The following C17orf67 variants were observed in gnomAD, a reference collection of about 807,000 sequenced individuals.
C17orf67 encodes chromosome 17 open reading frame 67.
Under a neutral mutation model 11.2 loss-of-function variants are expected in C17orf67, and 12 were observed. That is an observed-to-expected ratio of 1.07 (90% CI 0.68 to 1.73). The LOEUF is 1.73. C17orf67 is among the 40% of genes most tolerant of loss of function. The pLI is 0.00. For missense variants in C17orf67, 115 were observed against 113.5 expected, an observed-to-expected ratio of 1.01 and a Z score of -0.06; for synonymous variants, 59 against 46.9, an observed-to-expected ratio of 1.26 and a Z score of -1.05.
chr17:56,805,694 A>C (rs1224639989), intron 6 of C17orf67, among the ~76,000 whole-genome samples: 2 of 152,220 alleles, frequency 1.3e-5, no homozygotes, highest in Admixed American at 1.3e-4. Context: ...CATAGAAAAT[A>C]ACTTAAAATA....
chr17:56,802,357 T>G (rs1255947530), intron 6 of C17orf67, among the ~76,000 whole-genome samples: 1 of 152,134 alleles, frequency 6.6e-6, no homozygotes, highest in Non-Finnish European at 1.5e-5. Context: ...AAGAAATCAT[T>G]TCAGCTTGAA....
intron 2 of C17orf67, among the ~76,000 whole-genome samples, chr17:56,832,307 G>A (rs548698669): frequency 6.6e-6 from 1 of 152,114 alleles, no homozygotes; most frequent in Admixed American, 6.5e-5. Flanking sequence ...ACCCCCTAAA[G>A]TATCTTCCTG....
intron 2 of C17orf67, among the ~76,000 whole-genome samples, chr17:56,827,945 A>C (rs936201979): frequency 6.6e-6 from 1 of 152,022 alleles, no homozygotes; most frequent in African/African-American, 2.4e-5. Flanking sequence ...AGTGGCTCAC[A>C]CCTGTAATCC....
rs906401980 is a variant in C17orf67 at position 56,833,049 on chromosome 17, T to C, written c.-708A>G. 1.3e-5 allele frequency: 2 copies of C among 152,292 alleles called. No homozygotes were observed. The highest frequency in any genetic ancestry group is 4.1e-4 in the South Asian group (2 of 4,840). The allele number at this position is 152,292 out of a possible 1,614,324, so 9.4% of individuals were successfully genotyped here. On this transcript the variant is annotated 5_prime_UTR_variant, in exon 2 of 8. Transcript: ENST00000397861. ...GTCCCTTGCTTCGGTGTGTGTTTTC[T>C]TTCCATCTTTTATGCTAGAGGAAGT...
intron 2 of C17orf67, among the ~76,000 whole-genome samples, chr17:56,826,715 G>C (rs1036219006): frequency 6.6e-6 from 1 of 152,178 alleles, no homozygotes. Context: ...AGCAGAATAA[G>C]AGAAAGTCTT....
rs142718726 is a variant in C17orf67 at position 56,797,828 on chromosome 17, C to G, written c.157-2648G>C. The stretch of plus-strand genomic sequence containing the variant: ...CCTCCAAATGCGCCTTGGTCTTCCC[C>G]GAAGCCAGTTCAGGCTGTGAATTTT... On this transcript the variant is annotated intron_variant, in intron 6 of 7. Coordinates refer to ENST00000397861, the MANE Select transcript of C17orf67 (RefSeq NM_001085430.4). Among the ~76,000 whole-genome samples the G allele has an allele frequency of 1.4e-3, 217 of 152,246 alleles. 1 individual carries two copies. The highest frequency in any genetic ancestry group is 3.3e-3 in the Admixed American group (51 of 15,304).
chr17:56,800,345 G>A (rs1415084276), intron 6 of C17orf67, among the ~76,000 whole-genome samples: 5 of 152,188 alleles, frequency 3.3e-5, no homozygotes, highest in Admixed American at 6.5e-5. Context: ...GATTACAGGC[G>A]TGAGCCACTG....
intron 4 of C17orf67, among the ~76,000 whole-genome samples, chr17:56,821,846 C>T (rs1056010023): frequency 3.9e-5 from 6 of 152,062 alleles, no homozygotes; most frequent in Non-Finnish European, 7.4e-5. Flanking sequence ...TTGTTTTGGG[C>T]AGTGGGATGG....
At chr17:56,813,636 T>C (rs1905684331) in intron 6 of C17orf67, among the ~76,000 whole-genome samples, 1 of 151,906 alleles carries the variant, frequency 6.6e-6, no homozygotes, top group Non-Finnish European at 1.5e-5. Context: ...TCATACTGCA[T>C]AGCAGCCATT....
At chr17:56,807,787 T>A (rs1456263117) in intron 6 of C17orf67, among the ~76,000 whole-genome samples, 1 of 151,712 alleles carries the variant, frequency 6.6e-6, no homozygotes, top group Admixed American at 6.6e-5. Flanking sequence ...TTGTCTAAAG[T>A]AGAAAGTCAA....
intron 2 of C17orf67, among the ~76,000 whole-genome samples, chr17:56,830,598 C>A (rs1042118473): frequency 6.6e-6 from 1 of 151,926 alleles, no homozygotes; most frequent in Non-Finnish European, 1.5e-5. Flanking sequence ...CATCTCCTCT[C>A]AATTAGCCAC....
intron 7 of C17orf67, among the ~76,000 whole-genome samples, chr17:56,793,389 T>C (rs1171775890): frequency 6.6e-6 from 1 of 152,120 alleles, no homozygotes; most frequent in Admixed American, 6.5e-5. Context: ...GTGAGGCCTC[T>C]GAGGAACCCT....
chr17:56,811,727 A>C (rs1905632700), intron 6 of C17orf67, among the ~76,000 whole-genome samples: 1 of 152,230 alleles, frequency 6.6e-6, no homozygotes, highest in African/African-American at 2.4e-5. Context: ...TGGTCAATAT[A>C]AAATCTAATT....
At chr17:56,822,424 G>A (rs760724948) in intron 4 of C17orf67, among the ~76,000 whole-genome samples, 1 of 152,146 alleles carries the variant, frequency 6.6e-6, no homozygotes, top group Non-Finnish European at 1.5e-5. Flanking sequence ...CCTGTGTTAC[G>A]TTGGAGCTGA....
intron 6 of C17orf67, among the ~76,000 whole-genome samples, chr17:56,803,163 T>C (rs1042022320): frequency 5.3e-4 from 80 of 152,122 alleles, no homozygotes; most frequent in African/African-American, 1.9e-3. Flanking sequence ...TGCAATGGGG[T>C]TTCACAAGGA....
chr17:56,822,364 G>A (rs1338602173), intron 4 of C17orf67, among the ~76,000 whole-genome samples: 1 of 152,206 alleles, frequency 6.6e-6, no homozygotes, highest in African/African-American at 2.4e-5. Context: ...ACTGTGGGCA[G>A]CAGAGTCATC....
chr17:56,795,726 C>G (rs1228380606), intron 6 of C17orf67, among the ~76,000 whole-genome samples: 1 of 152,146 alleles, frequency 6.6e-6, no homozygotes, highest in Non-Finnish European at 1.5e-5. Context: ...ATAAATTTGT[C>G]ATAGCAAAAC....
intron 6 of C17orf67, among the ~76,000 whole-genome samples, chr17:56,805,507 T>C (rs1475924712): frequency 6.6e-6 from 1 of 152,240 alleles, no homozygotes; most frequent in Non-Finnish European, 1.5e-5. Flanking sequence ...CATGTTCCCA[T>C]GATATCTCTA....
chr17:56,833,431 G>GGGCGCGGGCGAGGGGGT (rs1432647748), intron 1 of C17orf67, 89 bp from the exon 2 acceptor site: 2 of 151,908 alleles, frequency 1.3e-5, no homozygotes, highest in East Asian at 3.9e-4. Context: ...GGGCGCTGGC[G>GGGCGCGGGCGAGGGGGT]GGCGCGGGCG....
Sources: gnomAD v4.1 joint callset for allele counts (sites outside exome capture counted in the v4.1 genomes callset) on GRCh38, gnomAD v4.1.1 for gene constraint, MANE v1.5 for transcripts, NCBI Gene and HGNC (gene_info 2026-07-23, HGNC 2026-07-21) for gene names.